ARHGEF10L: variants seen among roughly 807,000 people sequenced by gnomAD.
The protein encoded by ARHGEF10L is rho guanine nucleotide exchange factor 10-like protein.
ARHGEF10L carries 69 observed loss-of-function variants against 141.2 expected under a neutral mutation model. That is an observed-to-expected ratio of 0.49 (90% CI 0.40 to 0.60). The LOEUF is 0.60. Among genes scored for constraint, ARHGEF10L ranks in the 20% least tolerant of loss-of-function variants. The pLI is 0.00. For missense variants in ARHGEF10L, 1,482 were observed against 1,734.3 expected (o/e 0.85, Z 2.58); for synonymous variants, 711 against 718.5 (o/e 0.99, Z 0.17).
At chr1:17,670,061 G>C (rs1176117104) in intron 26 of ARHGEF10L, among the ~76,000 whole-genome samples, 1 of 152,266 alleles carries the variant, frequency 6.6e-6, no homozygotes, top group Non-Finnish European at 1.5e-5. Flanking sequence ...GAAGGAAGAG[G>C]GGAAGTGATG....
At chr1:17,596,679 CTG>C (rs963721540) in intron 4 of ARHGEF10L, among the ~76,000 whole-genome samples, 125 of 152,310 alleles carry the variant, frequency 8.2e-4, no homozygotes, top group African/African-American at 2.9e-3. Context: ...CACTGAGAAA[CTG>C]GGGCCTGTAG....
intron 9 of ARHGEF10L, among the ~76,000 whole-genome samples, chr1:17,616,933 A>G (rs1299260375): frequency 6.6e-6 from 1 of 152,212 alleles, no homozygotes; most frequent in Non-Finnish European, 1.5e-5. Flanking sequence ...ATTGTGTGCC[A>G]GGTGCTGCCC....
chr1:17,581,328 AAAAAGAAAAG>A (rs1203476956), intron 2 of ARHGEF10L, among the ~76,000 whole-genome samples: 1 of 151,010 alleles, frequency 6.6e-6, no homozygotes, highest in African/African-American at 2.4e-5. Flanking sequence ...AAAAAAAAAA[AAAAAGAAAAG>A]AGAAAAAGAA....
chr1:17,645,390 G>A (rs1005949685), intron 21 of ARHGEF10L, among the ~76,000 whole-genome samples: 2 of 152,042 alleles, frequency 1.3e-5, no homozygotes, highest in East Asian at 3.9e-4. Flanking sequence ...AAAAAAATAC[G>A]TATGAATAAA....
chr1:17,573,141 G>A lies in ARHGEF10L; in HGVS notation c.-43-7412G>A, dbSNP rs1199963537. On this transcript the variant is annotated intron_variant, in intron 1 of 28. Transcript: ENST00000361221. The surrounding 1 kb of genome is among the most constrained non-coding windows in gnomAD (Gnocchi z 4.8). ...CTGCCTCATCCTCCTGGGGGGCTTT[G>A]GGTAGGTCCCTTCCCATCTGAGCCT... Among the ~76,000 whole-genome samples, 2 of 152,166 alleles carry A rather than the reference G, an allele frequency of 1.3e-5. No homozygotes were observed. The highest frequency in any genetic ancestry group is 2.9e-5 in the Non-Finnish European group (2 of 68,032).
chr1:17,654,798 G>T lies in ARHGEF10L; in HGVS notation c.2481+76G>T. The T allele has an allele frequency of 7.5e-7, 1 of 1,334,776 alleles. No homozygotes were observed. Among genetic ancestry groups the T allele is most frequent in the Non-Finnish European group, 1.1e-6 (1 of 934,866 alleles). The allele number at this position is 1,334,776 out of a possible 1,614,324, so 82.7% of individuals were successfully genotyped here. A position where few individuals can be genotyped will look rare whatever the true frequency, so the allele number is the denominator to read the frequency against. On this transcript the variant is annotated intron_variant, in intron 23 of 28. Transcript: ENST00000361221. This position sits in a 1 kb window ranked among gnomAD's most constrained non-coding sequence, Gnocchi z 4.3. Reference sequence around the variant, plus strand: ...GGGAGAGCGGCACCTGGGAGGGGGTGCTGGAGACAGCAGCTGCCTGCCTCA... The same window carrying T: ...GGGAGAGCGGCACCTGGGAGGGGGTTCTGGAGACAGCAGCTGCCTGCCTCA...
At chr1:17,642,870 T>C (rs2061402533) in intron 21 of ARHGEF10L, among the ~76,000 whole-genome samples, 1 of 152,212 alleles carries the variant, frequency 6.6e-6, no homozygotes, top group Non-Finnish European at 1.5e-5. Context: ...AGCCCCATGT[T>C]ACACCTGCTT....
intron 4 of ARHGEF10L, among the ~76,000 whole-genome samples, chr1:17,590,087 T>C (rs1570678071): frequency 6.6e-6 from 1 of 152,064 alleles, no homozygotes; most frequent in East Asian, 1.9e-4. Context: ...AGGAGTTAGG[T>C]GATGTGCTCA....
In ARHGEF10L at chr1:17,621,053, G is replaced by T. The variant is rs2060082799; in HGVS notation, c.943-811G>T. ...CACTCCGTGGGCCAGGCTTCTGGAG[G>T]GTTACGGTGATGGTGGAAGGGAAAG... On this transcript the variant is annotated intron_variant, in intron 10 of 28. Transcript: ENST00000361221. The surrounding 1 kb of genome is among the most constrained non-coding windows in gnomAD (Gnocchi z 4.1). Among the ~76,000 whole-genome samples, 1 of 152,112 alleles carries T rather than the reference G, an allele frequency of 6.6e-6. No homozygotes were observed. The highest frequency in any genetic ancestry group is 2.1e-4 in the South Asian group (1 of 4,826).
At chr1:17,632,093 T>C (rs1198576560) in intron 15 of ARHGEF10L, among the ~76,000 whole-genome samples, 1 of 152,158 alleles carries the variant, frequency 6.6e-6, no homozygotes, top group African/African-American at 2.4e-5. Flanking sequence ...CGGGTGCTGG[T>C]GAATGCTCAG....
intron 27 of ARHGEF10L, among the ~76,000 whole-genome samples, chr1:17,688,978 G>T (rs1233472272): frequency 6.6e-6 from 1 of 152,118 alleles, no homozygotes; most frequent in African/African-American, 2.4e-5. Context: ...CCCTGCCCGG[G>T]CCTGAGGTGA....
intron 1 of ARHGEF10L, among the ~76,000 whole-genome samples, chr1:17,556,663 T>C (rs1217833290): frequency 6.6e-6 from 1 of 152,094 alleles, no homozygotes. Flanking sequence ...GTAATTCTCA[T>C]ATGTTAATGT....
At chr1:17,679,882 G>A (rs902765550) in intron 26 of ARHGEF10L, among the ~76,000 whole-genome samples, 4 of 152,308 alleles carry the variant, frequency 2.6e-5, no homozygotes, top group African/African-American at 4.8e-5. Flanking sequence ...GCAGGTGATC[G>A]TGGGTGATCT....
chr1:17,629,767 T>G (rs2060577912), intron 15 of ARHGEF10L, among the ~76,000 whole-genome samples: 2 of 152,316 alleles, frequency 1.3e-5, no homozygotes, highest in Non-Finnish European at 2.9e-5. Flanking sequence ...AGCCCCGCCA[T>G]GACCACCCGT....
intron 1 of ARHGEF10L, among the ~76,000 whole-genome samples, chr1:17,567,710 A>G (rs1346603912): frequency 6.6e-6 from 1 of 152,140 alleles, no homozygotes; most frequent in African/African-American, 2.4e-5. Context: ...GTGGAACCTG[A>G]GTTCCCGGGG....
intron 27 of ARHGEF10L, among the ~76,000 whole-genome samples, chr1:17,690,507 C>T (rs1048585647): frequency 1.3e-5 from 2 of 152,278 alleles, no homozygotes; most frequent in Admixed American, 1.3e-4. Context: ...CTTGCCCCTC[C>T]TAAGACCCTC....
At chr1:17,688,276 T>G (rs2064785815) in intron 27 of ARHGEF10L, among the ~76,000 whole-genome samples, 1 of 152,148 alleles carries the variant, frequency 6.6e-6, no homozygotes, top group Non-Finnish European at 1.5e-5. Context: ...TAGCTGTGTG[T>G]AGATGAAGTG....
At chr1:17,684,849 C>T (rs2064429776) in intron 26 of ARHGEF10L, among the ~76,000 whole-genome samples, 3 of 152,150 alleles carry the variant, frequency 2.0e-5, no homozygotes, top group Admixed American at 2.0e-4. Context: ...CTCCCCTCCT[C>T]TGGGGAGCCT....
chr1:17,634,342 G>C (rs962255400), intron 16 of ARHGEF10L: 2 of 745,430 alleles, frequency 2.7e-6, no homozygotes, highest in Admixed American at 4.6e-5. Context: ...AAGCTTCCTA[G>C]CGGGGCTGTT....
Sources: allele counts gnomAD v4.1 joint callset (sites outside exome capture counted in the v4.1 genomes callset), GRCh38; gene constraint gnomAD v4.1.1; non-coding constraint Gnocchi (gnomAD v3.1); transcripts MANE v1.5; gene names NCBI Gene and HGNC (gene_info 2026-07-23, HGNC 2026-07-21).